CEACAM1: variants seen among roughly 807,000 people sequenced by gnomAD.
The protein encoded by CEACAM1 is cell adhesion molecule CEACAM1.
A neutral mutation model predicts 49.1 loss-of-function variants in CEACAM1; 31 were observed. The ratio of observed to expected loss-of-function variants is 0.63; its 90% confidence interval spans 0.47 to 0.85. The LOEUF (loss-of-function observed/expected upper bound fraction) is 0.85, where lower values mean the gene tolerates loss of function less well. Ranked by LOEUF, CEACAM1 falls within the 40% of genes least tolerant of loss-of-function variation. The pLI is 0.00. For missense variants in CEACAM1, 570 were observed against 645.3 expected (o/e 0.88, Z 1.26); for synonymous variants, 244 against 247.8 (o/e 0.98, Z 0.14).
chr19:42,509,267 C>T lies in CEACAM1; in HGVS notation c.1462-39G>A, dbSNP rs147208603. 28 of 1,572,336 alleles carry T rather than the reference C, an allele frequency of 1.8e-5. No individual in the cohort carries two copies. In the African/African-American group the frequency reaches 3.4e-4, roughly 19 times the overall value. ...ATAATGATCAGTTAAGTCAGTGACA[C>T]AGGGCAGGGCCTCACCTTGCCTGGT... On this transcript the variant is annotated intron_variant, in intron 8 of 8. Transcript: ENST00000161559.
At chr19:42,514,970 CT>C in intron 5 of CEACAM1, 1 of 648,978 alleles carries the variant, frequency 1.5e-6, no homozygotes, top group Non-Finnish European at 2.8e-6. Flanking sequence ...TACATTAAAT[CT>C]TTAAAATAAC....
chr19:42,526,304 C>A (rs1164674386), intron 2 of CEACAM1, among the ~76,000 whole-genome samples: 1 of 152,182 alleles, frequency 6.6e-6, no homozygotes, highest in African/African-American at 2.4e-5. Flanking sequence ...TCAGCCTGAT[C>A]CCTGGTGGAC....
chr19:42,522,328 G>A, intron 2 of CEACAM1, 126 bp from the exon 3 acceptor site: 1 of 1,473,290 alleles, frequency 6.8e-7, no homozygotes, highest in Non-Finnish European at 9.0e-7. Context: ...AGGCTGGAGT[G>A]CAATGGCACG....
At chr19:42,528,267 T>C in intron 1 of CEACAM1, 44 bp downstream of exon 1, 1 of 1,572,558 alleles carries the variant, frequency 6.4e-7, no homozygotes, top group African/African-American at 1.4e-5. Flanking sequence ...AGCCATTCTC[T>C]GTGCGCCCTC....
intron 5 of CEACAM1, among the ~76,000 whole-genome samples, chr19:42,516,364 C>T (rs2041599598): frequency 6.6e-6 from 1 of 151,934 alleles, no homozygotes. Flanking sequence ...TTTTTGTATA[C>T]TAATAACAAT....
At chr19:42,524,220 G>T (rs553642606) in intron 2 of CEACAM1, among the ~76,000 whole-genome samples, 1 of 152,196 alleles carries the variant, frequency 6.6e-6, no homozygotes, top group African/African-American at 2.4e-5. Context: ...TATGACAATG[G>T]TGTCATCATG....
intron 2 of CEACAM1, among the ~76,000 whole-genome samples, chr19:42,523,062 A>G (rs1171822672): frequency 2.0e-5 from 3 of 152,160 alleles, no homozygotes; most frequent in Admixed American, 6.5e-5. Context: ...AGCCCCAGGC[A>G]CTTCTGGTCC....
At chr19:42,527,504 A>AGTGTGTGTGTGTGT (rs3038002) in intron 1 of CEACAM1, 104 bp from the exon 2 acceptor site, 25 of 715,638 alleles carry the variant, frequency 3.5e-5, no homozygotes, top group East Asian at 2.7e-4. Flanking sequence ...TCCACCTTGG[A>AGTGTGTGTGTGTGT]GTGTGTGTGT....
chr19:42,512,936 G>T (rs1049405522), intron 5 of CEACAM1, among the ~76,000 whole-genome samples: 3 of 152,142 alleles, frequency 2.0e-5, no homozygotes, highest in Admixed American at 2.0e-4. Context: ...AAAGTGCTTG[G>T]ATTATAGGCG....
intron 4 of CEACAM1, 192 bp from the exon 5 acceptor site, chr19:42,519,427 G>A (rs925057982): frequency 3.4e-6 from 2 of 595,200 alleles, no homozygotes; most frequent in Non-Finnish European, 3.0e-6. Context: ...GTGATGAATT[G>A]TAAGGAGAGG....
chr19:42,517,682 C>T (rs1190629614), intron 5 of CEACAM1, among the ~76,000 whole-genome samples: 1 of 152,136 alleles, frequency 6.6e-6, no homozygotes, highest in African/African-American at 2.4e-5. Context: ...CAGAAAGCAA[C>T]AAATGTTTTT....
Position 42,516,886 on chromosome 19 carries a change from A to G in CEACAM1, c.1246+2062T>C, listed in dbSNP as rs570218435. The G allele has an allele frequency of 4.7e-5, 20 of 424,832 alleles. No homozygotes were observed. In the Admixed American group the frequency reaches 4.9e-4, roughly 10 times the overall value. 26.3% of individuals were successfully genotyped at this position (424,832 alleles called of 1,614,324 possible). The stretch of plus-strand genomic sequence containing the variant: ...CATCTCTACAAAGAAAAGCAAAAAA[A>G]CAAAACAAAACAAAAAAACCCAAAC... On this transcript the variant is annotated intron_variant, in intron 5 of 8. Coordinates refer to ENST00000161559, the MANE Select transcript of CEACAM1 (RefSeq NM_001712.5).
chr19:42,524,236 A>G (rs1055806408), intron 2 of CEACAM1, among the ~76,000 whole-genome samples: 9 of 152,208 alleles, frequency 5.9e-5, no homozygotes, highest in African/African-American at 1.9e-4. Context: ...TCATGAGGAC[A>G]CAGGTGTAGG....
intron 2 of CEACAM1, among the ~76,000 whole-genome samples, chr19:42,524,423 T>TC (rs2041838064): frequency 6.6e-6 from 1 of 152,134 alleles, no homozygotes; most frequent in East Asian, 1.9e-4. Flanking sequence ...CTGCCTCTGA[T>TC]CCCCTGGTGA....
At chr19:42,514,192 C>T (rs1213531364) in intron 5 of CEACAM1, among the ~76,000 whole-genome samples, 1 of 148,558 alleles carries the variant, frequency 6.7e-6, no homozygotes. Flanking sequence ...AGTGCAATGG[C>T]GTGATCTCGG....
At chr19:42,524,268 C>T (rs1446713178) in intron 2 of CEACAM1, among the ~76,000 whole-genome samples, 1 of 152,194 alleles carries the variant, frequency 6.6e-6, no homozygotes, top group Non-Finnish European at 1.5e-5. Context: ...GCAAACCCAT[C>T]AGACAGCACC....
chr19:42,522,942 G>A (rs1241674042), intron 2 of CEACAM1, among the ~76,000 whole-genome samples: 3 of 152,218 alleles, frequency 2.0e-5, no homozygotes, highest in African/African-American at 7.2e-5. Flanking sequence ...ATGATCTGAG[G>A]GCTCAGAGAC....
At chr19:42,522,532 G>A (rs560442833) in intron 2 of CEACAM1, among the ~76,000 whole-genome samples, 47 of 150,954 alleles carry the variant, frequency 3.1e-4, no homozygotes, top group African/African-American at 9.0e-4. Flanking sequence ...TTACAGGCCT[G>A]AGCCACCGTG....
At chr19:42,522,239 C>CT in intron 2 of CEACAM1, 37 bp from the exon 3 acceptor site, 1 of 1,611,688 alleles carries the variant, frequency 6.2e-7, no homozygotes, top group Non-Finnish European at 8.5e-7. Context: ...CCCTGTGTGG[C>CT]ACCTTTGATT....
Sources: gnomAD v4.1 joint callset for allele counts (sites outside exome capture counted in the v4.1 genomes callset) on GRCh38, gnomAD v4.1.1 for gene constraint, MANE v1.5 for transcripts, NCBI Gene and HGNC (gene_info 2026-07-23, HGNC 2026-07-21) for gene names.